Variants in UGT1A5 observed in about 807,000 individuals in gnomAD.
UGT1A5 encodes UDP glucuronosyltransferase family 1 member A5.
Under a neutral mutation model 40.3 loss-of-function variants are expected in UGT1A5, and 29 were observed. The observed-to-expected ratio is 0.72, with a 90% confidence interval of 0.54 to 0.98. The LOEUF (loss-of-function observed/expected upper bound fraction) is 0.98, where lower values mean the gene tolerates loss of function less well. Ranked by LOEUF, UGT1A5 falls within the 50% of genes least tolerant of loss-of-function variation. The probability of loss-of-function intolerance (pLI) is 0.00; values close to 1 mark genes in which losing one functional copy is unlikely to be tolerated. For synonymous variants in UGT1A5, 257 were observed against 262.5 expected (o/e 0.98, Z 0.20); for missense variants, 678 against 677.9 (o/e 1.00, Z 0.00).
At chr2:233,761,199 A>C in intron 1 of UGT1A5, 1 of 1,614,054 alleles carries the variant, frequency 6.2e-7, no homozygotes, top group Non-Finnish European at 8.5e-7. Flanking sequence ...TTTCAGATGT[A>C]TTACTTTGGA....
At chr2:233,728,419 C>A (rs1433487219) in intron 1 of UGT1A5, among the ~76,000 whole-genome samples, 1 of 152,142 alleles carries the variant, frequency 6.6e-6, no homozygotes, top group Non-Finnish European at 1.5e-5. Context: ...GATAGCAGCA[C>A]CTCTTCTTCC....
At chr2:233,760,867 C>T (rs767983942) in intron 1 of UGT1A5, 3 of 1,614,156 alleles carry the variant, frequency 1.9e-6, no homozygotes, top group Non-Finnish European at 2.5e-6. Flanking sequence ...CTCCTACGTG[C>T]CCAGGCCTCT....
chr2:233,768,023 G>A, intron 3 of UGT1A5, 87 bp downstream of exon 3: 1 of 1,613,460 alleles, frequency 6.2e-7, no homozygotes, highest in Non-Finnish European at 8.5e-7. Flanking sequence ...GGATTGTTGA[G>A]CTTGAAAATA....
intron 1 of UGT1A5, chr2:233,760,833 G>A (rs777115864): frequency 5.0e-6 from 8 of 1,613,598 alleles, no homozygotes; most frequent in Admixed American, 1.7e-5. Flanking sequence ...TGGAATTTGA[G>A]GCTACCCAGT....
At chr2:233,719,323 C>T in intron 1 of UGT1A5, 1 of 1,613,948 alleles carries the variant, frequency 6.2e-7, no homozygotes, top group Non-Finnish European at 8.5e-7. Flanking sequence ...CTGTCGATTC[C>T]TGCTGTGTTT....
rs145652010 is a variant in UGT1A5 at position 233,744,794 on chromosome 2, G to C, written c.868-22240G>C. On this transcript the variant is annotated intron_variant, in intron 1 of 4. Coordinates refer to ENST00000373414, the MANE Select transcript of UGT1A5 (RefSeq NM_019078.2). ...CAAAATTCTCCTGAAAAATTCTTGG[G>C]GATCCCTAGGATTTCCTGGCTCATA... 2.6e-3 allele frequency among the ~76,000 whole-genome samples: 393 copies of C among 151,892 alleles called. 13 individuals are homozygous for C. The highest frequency in any genetic ancestry group is 8.3e-3 in the African/African-American group (341 of 41,188).
chr2:233,752,437 T>C (rs973405993), intron 1 of UGT1A5: 4 of 152,200 alleles, frequency 2.6e-5, no homozygotes, highest in African/African-American at 9.7e-5. Context: ...CGAACCCTTT[T>C]ATAAAAGATG....
intron 1 of UGT1A5, chr2:233,761,110 G>A: frequency 1.9e-6 from 3 of 1,614,198 alleles, no homozygotes; most frequent in African/African-American, 1.3e-5. Context: ...TATGGTTTTT[G>A]TTGGTGGAAT....
At chr2:233,723,300 C>G (rs2077076246) in intron 1 of UGT1A5, among the ~76,000 whole-genome samples, 1 of 117,154 alleles carries the variant, frequency 8.5e-6, no homozygotes, top group South Asian at 3.3e-4. Flanking sequence ...ACCTCTGCCT[C>G]CCAGGTTCAA....
At chr2:233,724,346 C>A (rs1441595042) in intron 1 of UGT1A5, among the ~76,000 whole-genome samples, 1 of 148,192 alleles carries the variant, frequency 6.7e-6, no homozygotes, top group East Asian at 2.1e-4. Flanking sequence ...GCTGACCCCC[C>A]CCACCTCCCT....
intron 1 of UGT1A5, among the ~76,000 whole-genome samples, chr2:233,738,037 G>A (rs542059461): frequency 6.6e-6 from 1 of 152,044 alleles, no homozygotes; most frequent in South Asian, 2.1e-4. Context: ...TAATCCCCAC[G>A]TGTTGAGGAC....
At chr2:233,772,116 AAAC>A (rs1252124628) in intron 4 of UGT1A5, 143 bp from the exon 5 acceptor site, 49 of 1,530,818 alleles carry the variant, frequency 3.2e-5, no homozygotes, top group Middle Eastern at 2.3e-4. Context: ...CTGTATCTAA[AAAC>A]AACAACAACA....
chr2:233,749,815 C>T (rs1374657225), intron 1 of UGT1A5, among the ~76,000 whole-genome samples: 1 of 151,874 alleles, frequency 6.6e-6, no homozygotes, highest in African/African-American at 2.4e-5. Flanking sequence ...AGCTCTTCCT[C>T]TTTCTCTCTT....
chr2:233,757,535 AATATATATATAT>A (rs67292694), intron 1 of UGT1A5, among the ~76,000 whole-genome samples: 4 of 88,300 alleles, frequency 4.5e-5, no homozygotes, highest in African/African-American at 5.0e-5. Flanking sequence ...GCCTGTAAGG[AATATATATATAT>A]ATATATATAT....
intron 1 of UGT1A5, 129 bp downstream of exon 1, chr2:233,713,987 A>C: frequency 6.3e-7 from 1 of 1,580,416 alleles, no homozygotes; most frequent in Non-Finnish European, 8.6e-7. Flanking sequence ...CATTGTTGTA[A>C]TAGTCTTCAG....
At chr2:233,747,498 C>T in intron 1 of UGT1A5, 3 of 1,608,498 alleles carry the variant, frequency 1.9e-6, no homozygotes, top group East Asian at 4.5e-5. Flanking sequence ...TGTGCTGGGC[C>T]ACACTCAACT....
chr2:233,714,706 G>A (rs974627054), intron 1 of UGT1A5, among the ~76,000 whole-genome samples: 3 of 152,098 alleles, frequency 2.0e-5, no homozygotes, highest in Non-Finnish European at 2.9e-5. Context: ...ACTGTTTAAC[G>A]TAGCTTTTTT....
At chr2:233,724,087 T>C in intron 1 of UGT1A5, among the ~76,000 whole-genome samples, 2 of 102,630 alleles carry the variant, frequency 1.9e-5, no homozygotes, top group East Asian at 2.4e-4. Flanking sequence ...GAGGGGCTCC[T>C]CACTTCCCAG....
intron 1 of UGT1A5, among the ~76,000 whole-genome samples, chr2:233,716,553 T>C (rs1004313369): frequency 1.3e-5 from 2 of 152,344 alleles, no homozygotes; most frequent in Middle Eastern, 3.4e-3. Flanking sequence ...CTTATATTCC[T>C]TTTTTCATTT....
Sources: gnomAD v4.1 joint callset for allele counts (sites outside exome capture counted in the v4.1 genomes callset) on GRCh38, gnomAD v4.1.1 for gene constraint, MANE v1.5 for transcripts, NCBI Gene and HGNC (gene_info 2026-07-23, HGNC 2026-07-21) for gene names.